The following LARS2 variants were observed in gnomAD, a reference collection of about 807,000 sequenced individuals.
LARS2 encodes the protein leucyl-tRNA synthetase 2, mitochondrial.
A neutral mutation model predicts 116.6 loss-of-function variants in LARS2; 81 were observed. The ratio of observed to expected loss-of-function variants is 0.69; its 90% CI spans 0.58 to 0.84. The LOEUF (loss-of-function observed/expected upper bound fraction) is 0.84. Among genes scored for constraint, LARS2 ranks in the 40% least tolerant of loss-of-function variants. LARS2 has a pLI of 0.00. For missense variants in LARS2, 968 were observed against 1,114.5 expected (o/e 0.87, Z 1.87); for synonymous variants, 396 against 407.2 (o/e 0.97, Z 0.33).
intron 19 of LARS2, among the ~76,000 whole-genome samples, chr3:45,523,409 A>G (rs1427261318): frequency 6.6e-6 from 1 of 152,170 alleles, no homozygotes; most frequent in Non-Finnish European, 1.5e-5. Flanking sequence ...CTGGGGGCAG[A>G]TTGCCCTCCC....
chr3:45,416,571 G>A (rs572780961), intron 4 of LARS2, among the ~76,000 whole-genome samples: 1 of 152,320 alleles, frequency 6.6e-6, no homozygotes, highest in African/African-American at 2.4e-5. Context: ...CTGCAGCACT[G>A]TCCAGTGCGG....
chr3:45,389,576 A>G (rs1559452075), intron 1 of LARS2, among the ~76,000 whole-genome samples: 2 of 152,116 alleles, frequency 1.3e-5, no homozygotes, highest in African/African-American at 2.4e-5. Context: ...TTAAGCTCCA[A>G]CTGAGATTGA....
intron 15 of LARS2, among the ~76,000 whole-genome samples, chr3:45,501,708 C>T (rs1437180970): frequency 1.3e-5 from 2 of 152,146 alleles, no homozygotes; most frequent in East Asian, 1.9e-4. Context: ...TAGAATTGCT[C>T]GATTGTAGGA....
chr3:45,491,795 C>G lies in LARS2; in HGVS notation c.1518C>G (p.Cys506Trp). 6.2e-7 allele frequency: 1 copy of G among 1,613,342 alleles called. No individual in the cohort carries two copies. Among genetic ancestry groups the G allele is most frequent in the Non-Finnish European group, 8.5e-7 (1 of 1,179,582 alleles). ...CTTCAGAGTGGGTGAACTGCTCCTGCCCAAGGTAAGGAGCCACATCCCTGC... is the reference window on the plus strand; with the variant it reads ...CTTCAGAGTGGGTGAACTGCTCCTGGCCAAGGTAAGGAGCCACATCCCTGC... ...AMASEWVNCS[C>W]PRCKGAAKRE... Residue 506 changes from cysteine (C) to tryptophan (W), a missense_variant, in exon 13 of 22, where the codon TGC (cysteine) becomes TGG (tryptophan). Physicochemically the swap from Cys to Trp is radical, Grantham distance 215. Transcript: ENST00000645846.
chr3:45,514,174 CCAGCCTGGGCAA>C (rs977409860), intron 16 of LARS2, among the ~76,000 whole-genome samples: 7 of 151,958 alleles, frequency 4.6e-5, no homozygotes, highest in African/African-American at 1.7e-4. Context: ...CCACTGCACT[CCAGCCTGGGCAA>C]CAGAGCAAGA....
intron 15 of LARS2, among the ~76,000 whole-genome samples, chr3:45,503,671 T>C (rs1447649330): frequency 6.6e-6 from 1 of 152,118 alleles, no homozygotes; most frequent in Admixed American, 6.6e-5. Context: ...TGCTGGATTT[T>C]TTTTTTCAGT....
chr3:45,510,349 G>A (rs990172498), intron 15 of LARS2, among the ~76,000 whole-genome samples: 7 of 152,172 alleles, frequency 4.6e-5, no homozygotes, highest in Non-Finnish European at 8.8e-5. Flanking sequence ...AGGAGACTGA[G>A]GCTGCAGTGA....
In LARS2 at chr3:45,549,201, A is replaced by G. The variant is rs967185454; in HGVS notation, c.*1671A>G. 3 of 152,248 alleles carry G rather than the reference A, an allele frequency of 2.0e-5. No homozygotes were observed. The East Asian group carries it at 5.8e-4, about 29-fold the overall frequency. The allele number at this position is 152,248 out of a possible 1,614,324, so 9.4% of individuals were successfully genotyped here. ...CAGCAAAGTTTGAGAATCACTGGACACATTGATGCACTTGAGCCATCATTT... is the reference window on the plus strand; with the variant it reads ...CAGCAAAGTTTGAGAATCACTGGACGCATTGATGCACTTGAGCCATCATTT... On this transcript the variant is annotated 3_prime_UTR_variant, in exon 22 of 22. Coordinates refer to ENST00000645846, the MANE Select transcript of LARS2 (RefSeq NM_015340.4).
intron 6 of LARS2, among the ~76,000 whole-genome samples, chr3:45,426,639 G>A (rs1403367921): frequency 2.6e-5 from 4 of 152,082 alleles, no homozygotes; most frequent in Non-Finnish European, 4.4e-5. Context: ...ATTAATAGAC[G>A]GTACACTTGC....
intron 20 of LARS2, among the ~76,000 whole-genome samples, chr3:45,527,140 C>A (rs1235670905): frequency 2.0e-5 from 3 of 152,150 alleles, no homozygotes; most frequent in African/African-American, 7.2e-5. Context: ...CAGGAACACA[C>A]CTTCAGATAA....
At chr3:45,506,058 C>T (rs1337090140) in intron 15 of LARS2, among the ~76,000 whole-genome samples, 1 of 152,088 alleles carries the variant, frequency 6.6e-6, no homozygotes, top group African/African-American at 2.4e-5. Flanking sequence ...CATTAAGGAA[C>T]AACTATATGG....
Position 45,458,837 on chromosome 3 carries a change from A to G in LARS2, c.701A>G (p.Glu234Gly). 1 of 1,614,118 alleles carries G rather than the reference A, an allele frequency of 6.2e-7. No individual in the cohort carries two copies. The change falls in exon 8 of 22, where the codon GAA (glutamate) becomes GGA (glycine). Residue 234 changes from glutamate to glycine, a missense_variant. Coordinates refer to ENST00000645846, the MANE Select transcript of LARS2 (RefSeq NM_015340.4). ...GCSWRSGAKVEQKYLRQWFIK... is the reference protein window; with the variant it reads ...GCSWRSGAKVGQKYLRQWFIK... ...TCATGGCGTTCTGGAGCAAAGGTGGAACAGAAGTACCTCAGACAATGGTTT... is the reference window on the plus strand; with the variant it reads ...TCATGGCGTTCTGGAGCAAAGGTGGGACAGAAGTACCTCAGACAATGGTTT...
Position 45,417,333 on chromosome 3 carries a change from G to A in LARS2, c.364-149G>A. 3 of 637,824 alleles carry A rather than the reference G, an allele frequency of 4.7e-6. No homozygotes were observed. In the South Asian group the frequency reaches 5.8e-5, roughly 12 times the overall value. The allele number at this position is 637,824 out of a possible 1,614,324, so 39.5% of individuals were successfully genotyped here. On this transcript the variant is annotated intron_variant, in intron 4 of 21. Transcript: ENST00000645846. ...GTGTTCTATGGTTACGTCATAGGTA[G>A]CCAGCTGGCTGTCAGATGCATAACC...
chr3:45,441,023 CTTTTTT>C (rs148736694), intron 6 of LARS2, among the ~76,000 whole-genome samples: 2 of 87,106 alleles, frequency 2.3e-5, no homozygotes, highest in Non-Finnish European at 5.2e-5. Context: ...ATCACACACT[CTTTTTT>C]TTTTTTTTTT....
At chr3:45,434,335 G>A (rs1315620098) in intron 6 of LARS2, among the ~76,000 whole-genome samples, 3 of 152,110 alleles carry the variant, frequency 2.0e-5, no homozygotes, top group Non-Finnish European at 4.4e-5. Flanking sequence ...TGGTCTTCAA[G>A]TTCACTGATT....
intron 4 of LARS2, among the ~76,000 whole-genome samples, chr3:45,402,554 T>C (rs1457474686): frequency 6.6e-6 from 1 of 152,226 alleles, no homozygotes; most frequent in Admixed American, 6.5e-5. Context: ...TATTTTATTT[T>C]AGCAAGGTAA....
chr3:45,526,500 T>C (rs1700533679), intron 20 of LARS2, among the ~76,000 whole-genome samples: 1 of 152,174 alleles, frequency 6.6e-6, no homozygotes, highest in South Asian at 2.1e-4. Flanking sequence ...TTTTGCATCT[T>C]GGTGCTTGAT....
chr3:45,521,770 GT>G (rs765551426), intron 19 of LARS2, among the ~76,000 whole-genome samples: 11 of 150,950 alleles, frequency 7.3e-5, no homozygotes, highest in Non-Finnish European at 3.0e-5. Flanking sequence ...TTTTGTTTTT[GT>G]TTTTTTTTAA....
At chr3:45,396,482 C>T (rs562107271) in intron 3 of LARS2, among the ~76,000 whole-genome samples, 21 of 152,184 alleles carry the variant, frequency 1.4e-4, no homozygotes, top group Non-Finnish European at 2.9e-4. Flanking sequence ...AAGATCAGAA[C>T]GTGGTGTGTC....
Sources: allele counts gnomAD v4.1 joint callset (sites outside exome capture counted in the v4.1 genomes callset), GRCh38; gene constraint gnomAD v4.1.1; transcripts MANE v1.5; gene names NCBI Gene and HGNC (gene_info 2026-07-23, HGNC 2026-07-21).